LCLAT1: variants seen among roughly 807,000 people sequenced by gnomAD.
LCLAT1 encodes the protein lysocardiolipin acyltransferase 1, also known as 1-AGP acyltransferase 8.
A neutral mutation model predicts 30.7 loss-of-function variants in LCLAT1; 11 were observed. The observed-to-expected ratio is 0.36, with a 90% CI of 0.23 to 0.59. The LOEUF is 0.59. Ranked by LOEUF, LCLAT1 falls within the 20% of genes least tolerant of loss-of-function variation. The pLI, the probability that LCLAT1 is intolerant of heterozygous loss-of-function variation, is 0.77. For missense variants in LCLAT1, 402 were observed against 458.6 expected (o/e 0.88, Z 1.13); for synonymous variants, 155 against 151.3 (o/e 1.02, Z -0.18).
intron 1 of LCLAT1, among the ~76,000 whole-genome samples, chr2:30,451,370 C>G (rs927649554): frequency 6.6e-6 from 1 of 152,158 alleles, no homozygotes; most frequent in Non-Finnish European, 1.5e-5. Context: ...TTTGTCTACT[C>G]CTACCCGTGA....
chr2:30,566,220 T>C (rs1665478178), intron 4 of LCLAT1, among the ~76,000 whole-genome samples: 1 of 152,208 alleles, frequency 6.6e-6, no homozygotes, highest in African/African-American at 2.4e-5. Context: ...TAGAGCTGTT[T>C]ATACTTGTAC....
intron 2 of LCLAT1, among the ~76,000 whole-genome samples, chr2:30,531,759 A>G (rs905229836): frequency 6.6e-6 from 1 of 152,166 alleles, no homozygotes; most frequent in Non-Finnish European, 1.5e-5. Flanking sequence ...TATTATTTTG[A>G]ACCTATGTTT....
Position 30,623,887 on chromosome 2 carries a change from A to G in LCLAT1, c.629-16230A>G, listed in dbSNP as rs555327313. On this transcript the variant is annotated intron_variant, in intron 5 of 5. Coordinates refer to ENST00000379509, the MANE Select transcript of LCLAT1 (RefSeq NM_001002257.3). ...AATGCATCAGGAAACCAACCTGTAA[A>G]AGAAAACCTATCAGATTAACAGCAG... is the stretch of plus-strand genomic sequence containing the variant. 5.3e-4 allele frequency among the ~76,000 whole-genome samples: 81 copies of G among 152,326 alleles called. 2 individuals carry two copies. In the South Asian group the frequency reaches 0.016, roughly 31 times the overall value.
intron 1 of LCLAT1, among the ~76,000 whole-genome samples, chr2:30,462,236 A>G (rs1366976976): frequency 6.6e-6 from 1 of 152,188 alleles, no homozygotes; most frequent in Non-Finnish European, 1.5e-5. Context: ...AAAGAAAACA[A>G]GCACCTATTG....
chr2:30,459,561 CAG>C, intron 1 of LCLAT1: 5 of 1,265,518 alleles, frequency 4.0e-6, no homozygotes, highest in Non-Finnish European at 4.6e-6. Context: ...GGCTGAAAAA[CAG>C]AGTGGGTACT....
chr2:30,521,159 A>T (rs1363404955), intron 1 of LCLAT1, among the ~76,000 whole-genome samples: 1 of 152,236 alleles, frequency 6.6e-6, no homozygotes, highest in Non-Finnish European at 1.5e-5. Context: ...ATGACAGTTT[A>T]CAAATGCCAG....
intron 1 of LCLAT1, among the ~76,000 whole-genome samples, chr2:30,499,524 T>A (rs966766225): frequency 6.6e-6 from 1 of 152,170 alleles, no homozygotes; most frequent in Non-Finnish European, 1.5e-5. Flanking sequence ...CTTCTTGGGA[T>A]TTTTGGATAA....
rs189136028 is a variant in LCLAT1, at chr2:30,506,052, A to G, written c.-4-19535A>G. Among the ~76,000 whole-genome samples, 365 of 152,214 alleles carry G rather than the reference A, an allele frequency of 2.4e-3. 3 individuals carry two copies. The highest frequency in any genetic ancestry group is 0.017 in the Middle Eastern group (5 of 292). Reference sequence around the variant, plus strand: ...TCCTTCCTTGCTTCATTTTGGGTACATATAACTGAAGTTTGGCCCCATTCT... The same window carrying G: ...TCCTTCCTTGCTTCATTTTGGGTACGTATAACTGAAGTTTGGCCCCATTCT... On this transcript the variant is annotated intron_variant, in intron 1 of 5. Transcript: ENST00000379509.
chr2:30,627,896 G>A (rs1243328791), intron 5 of LCLAT1, among the ~76,000 whole-genome samples: 1 of 152,120 alleles, frequency 6.6e-6, no homozygotes, highest in African/African-American at 2.4e-5. Context: ...ATATGCTAAA[G>A]ATCTCATTTT....
At chr2:30,499,578 A>G (rs1461377272) in intron 1 of LCLAT1, among the ~76,000 whole-genome samples, 1 of 152,216 alleles carries the variant, frequency 6.6e-6, no homozygotes, top group East Asian at 1.9e-4. Context: ...GGAGTAAGTT[A>G]TCTCTAAAGC....
chr2:30,589,449 G>A (rs1173716693), intron 5 of LCLAT1, among the ~76,000 whole-genome samples: 2 of 151,906 alleles, frequency 1.3e-5, no homozygotes, highest in African/African-American at 4.8e-5. Context: ...GTGACTGAAG[G>A]ATGTCATGTT....
intron 1 of LCLAT1, among the ~76,000 whole-genome samples, chr2:30,466,812 A>G (rs1182160656): frequency 2.0e-5 from 3 of 152,084 alleles, no homozygotes; most frequent in Non-Finnish European, 4.4e-5. Flanking sequence ...ATATATTTTT[A>G]ATTTTTTCAT....
chr2:30,614,832 A>G (rs994159336), intron 5 of LCLAT1, among the ~76,000 whole-genome samples: 14 of 152,136 alleles, frequency 9.2e-5, no homozygotes, highest in African/African-American at 3.4e-4. Context: ...AGGCAGTACA[A>G]TATTAGGGAT....
At chr2:30,576,281 C>CT (rs1473572320) in intron 5 of LCLAT1, among the ~76,000 whole-genome samples, 1 of 152,092 alleles carries the variant, frequency 6.6e-6, no homozygotes, top group Admixed American at 6.6e-5. Context: ...TTTCGGTAGA[C>CT]TTTACACTGA....
Position 30,466,229 on chromosome 2 carries a change from T to TTTTTC in LCLAT1, c.-5+18865_-5+18869dup, listed in dbSNP as rs377542663. Among the ~76,000 whole-genome samples the TTTTTC allele has an allele frequency of 5.2e-4, 78 of 149,704 alleles. No homozygotes were observed. The South Asian group carries it at 6.3e-3, about 12-fold the overall frequency. ...TCCGCTGTTTTTTCTGTGTTTTCTT[T>TTTTTC]TTTTCTTTTCTTTTCTTTTCTTTCT... is the stretch of plus-strand genomic sequence containing the variant. On this transcript the variant is annotated intron_variant, in intron 1 of 5. Transcript: ENST00000379509.
chr2:30,574,749 G>A (rs1344995891), intron 5 of LCLAT1, among the ~76,000 whole-genome samples: 11 of 152,136 alleles, frequency 7.2e-5, no homozygotes, highest in Admixed American at 1.3e-4. Context: ...TCTTTGTAAG[G>A]CATCTGTTCT....
At chr2:30,519,000 T>TA (rs1234369573) in intron 1 of LCLAT1, among the ~76,000 whole-genome samples, 2 of 152,182 alleles carry the variant, frequency 1.3e-5, no homozygotes, top group African/African-American at 4.8e-5. Flanking sequence ...CAAACACTCT[T>TA]AAAGTTCCTC....
chr2:30,595,156 T>C (rs912985620), intron 5 of LCLAT1, among the ~76,000 whole-genome samples: 3 of 152,276 alleles, frequency 2.0e-5, no homozygotes, highest in African/African-American at 4.8e-5. Flanking sequence ...CCATTTCTTA[T>C]CACTGAAACT....
At chr2:30,593,790 G>C (rs1666798574) in intron 5 of LCLAT1, among the ~76,000 whole-genome samples, 1 of 151,916 alleles carries the variant, frequency 6.6e-6, no homozygotes, top group Non-Finnish European at 1.5e-5. Context: ...ATAGATTAAA[G>C]GTTTAATTAG....
Sources: allele counts gnomAD v4.1 joint callset (sites outside exome capture counted in the v4.1 genomes callset), GRCh38; gene constraint gnomAD v4.1.1; transcripts MANE v1.5; gene names NCBI Gene and HGNC (gene_info 2026-07-23, HGNC 2026-07-21).